The following DLC1 variants were observed in gnomAD, a reference collection of about 807,000 sequenced individuals.
DLC1 encodes the protein DLC1 Rho GTPase activating protein, also known as rho GTPase-activating protein 7.
Under a neutral mutation model 140.3 loss-of-function variants are expected in DLC1, and 54 were observed. The ratio of observed to expected loss-of-function variants is 0.38; its 90% CI spans 0.31 to 0.48. The LOEUF (loss-of-function observed/expected upper bound fraction) is 0.48. Ranked by LOEUF, DLC1 falls within the 20% of genes least tolerant of loss-of-function variation. DLC1 has a pLI of 0.96. For synonymous variants in DLC1, 986 were observed against 728.1 expected (o/e 1.35, Z -5.70); for missense variants, 2,536 against 1,907.0 (o/e 1.33, Z -6.14).
At chr8:13,505,667 G>T (rs771069136) in intron 1 of DLC1, among the ~76,000 whole-genome samples, 13 of 152,056 alleles carry the variant, frequency 8.5e-5, no homozygotes, top group Non-Finnish European at 1.8e-4. Context: ...TCTCATGTAC[G>T]TAGCAAAGAA....
At chr8:13,466,599 G>C (rs1317910618) in intron 2 of DLC1, among the ~76,000 whole-genome samples, 1 of 152,172 alleles carries the variant, frequency 6.6e-6, no homozygotes, top group Non-Finnish European at 1.5e-5. Flanking sequence ...TCCCATGGAG[G>C]CACCTTGTAA....
chr8:13,250,892 T>C (rs958167317), intron 5 of DLC1, among the ~76,000 whole-genome samples: 10 of 151,562 alleles, frequency 6.6e-5, no homozygotes, highest in Non-Finnish European at 1.3e-4. Flanking sequence ...AAGGATAGAA[T>C]AATGGATAAG....
At chr8:13,413,279 G>GTTTTTTTTTTTTTTTTTT (rs1837880881) in intron 2 of DLC1, among the ~76,000 whole-genome samples, 1 of 12,170 alleles carries the variant, frequency 8.2e-5, no homozygotes. Flanking sequence ...TTTTTTTTTA[G>GTTTTTTTTTTTTTTTTTT]CTCATCAACT....
rs1392492588 is a variant in DLC1 at position 13,092,758 on chromosome 8, C to T, written c.3594G>A (p.Arg1198=). The T allele has an allele frequency of 6.2e-7, 1 of 1,614,038 alleles. No individual in the cohort carries two copies. Among genetic ancestry groups the T allele is most frequent in the Non-Finnish European group, 8.5e-7 (1 of 1,180,038 alleles). The change falls in exon 13 of 18, where the codon CGG becomes CGA. Residue 1198 remains arginine (R), a synonymous_variant. Coordinates refer to ENST00000276297, the MANE Select transcript of DLC1 (RefSeq NM_182643.3). ...AATAAAGCAGGGTCTGCAGAACCTCCCGGTTCTCGTCAGGCAGCAGCATGA... is the reference window on the plus strand; with the variant it reads ...AATAAAGCAGGGTCTGCAGAACCTCTCGGTTCTCGTCAGGCAGCAGCATGA... ...AAIMLLPDEN[R]EVLQTLLYFL... is the part of the protein sequence containing the mutation.
intron 5 of DLC1, among the ~76,000 whole-genome samples, chr8:13,143,809 A>G (rs1260630019): frequency 1.5e-5 from 2 of 133,398 alleles, no homozygotes; most frequent in African/African-American, 5.7e-5. Flanking sequence ...ACCAAATGAA[A>G]AGCTGAGAGA....
At chr8:13,096,531 CG>C (rs1563582670) in intron 10 of DLC1, among the ~76,000 whole-genome samples, 1 of 151,952 alleles carries the variant, frequency 6.6e-6, no homozygotes, top group East Asian at 1.9e-4. Flanking sequence ...CTCGCTTTGT[CG>C]GGGGAGAAAA....
chr8:13,120,282 G>C (rs564342039), intron 5 of DLC1, among the ~76,000 whole-genome samples: 1 of 145,052 alleles, frequency 6.9e-6, no homozygotes, highest in African/African-American at 2.5e-5. Context: ...GGCGGAGGTG[G>C]CAGTGAGCTG....
rs191694374 is a variant in DLC1, at chr8:13,496,926, G to A, written c.1023+2123C>T. Among the ~76,000 whole-genome samples the A allele has an allele frequency of 4.2e-3, 626 of 150,670 alleles. 8 individuals are homozygous for A. The highest frequency in any genetic ancestry group is 0.015 in the African/African-American group (601 of 40,900). On this transcript the variant is annotated intron_variant, in intron 2 of 17. Transcript: ENST00000276297. ...TGCCATTCTCCTGCCTCAGCCTCCC[G>A]AGTAGCTGGGACTATAGGCGCCTGC...
intron 4 of DLC1, among the ~76,000 whole-genome samples, chr8:13,371,714 A>T (rs1835739192): frequency 6.6e-6 from 1 of 152,180 alleles, no homozygotes; most frequent in African/African-American, 2.4e-5. Context: ...TCCCTCAGAA[A>T]GAATGGTGCT....
In DLC1 at chr8:13,217,694, C is replaced by T. The variant is rs185510216; in HGVS notation, c.1348+87575G>A. ...CTAAAAATACAAAAAAAAAATTAGC[C>T]GGGCGTGGTGGTGGGCACCTGTAGT... On this transcript the variant is annotated intron_variant, in intron 5 of 17. Transcript: ENST00000276297. Among the ~76,000 whole-genome samples the T allele has an allele frequency of 1.1e-3, 161 of 151,960 alleles. 1 individual carries two copies. Among genetic ancestry groups the T allele is most frequent in the African/African-American group, 3.2e-3 (132 of 41,454 alleles).
chr8:13,317,962 C>G (rs56178214), intron 4 of DLC1, among the ~76,000 whole-genome samples: 2,899 of 152,200 alleles, frequency 0.019, 113 homozygotes, highest in African/African-American at 0.065. Context: ...TGTACTTGTT[C>G]TATGCCAGGC....
intron 5 of DLC1, among the ~76,000 whole-genome samples, chr8:13,130,886 AACTC>A (rs1822018173): frequency 6.6e-6 from 1 of 152,230 alleles, no homozygotes. Context: ...CCAGGAGAGA[AACTC>A]AGTCTGCTGT....
intron 5 of DLC1, among the ~76,000 whole-genome samples, chr8:13,132,239 G>GTA (rs1278089445): frequency 6.8e-6 from 1 of 146,372 alleles, no homozygotes; most frequent in East Asian, 2.0e-4. Context: ...GTGTGTGTGT[G>GTA]TGTTTCCTAG....
At chr8:13,245,017 C>A (rs1449384950) in intron 5 of DLC1, among the ~76,000 whole-genome samples, 1 of 152,138 alleles carries the variant, frequency 6.6e-6, no homozygotes, top group Non-Finnish European at 1.5e-5. Context: ...TTTTCCACCC[C>A]TTATGTTAAG....
At chr8:13,543,081 A>G (rs1803540641) in intron 1 of DLC1, among the ~76,000 whole-genome samples, 1 of 152,180 alleles carries the variant, frequency 6.6e-6, no homozygotes, top group East Asian at 1.9e-4. Context: ...TTTATAAATT[A>G]ACTATGAAAA....
chr8:13,356,619 C>T (rs1834954354), intron 4 of DLC1, among the ~76,000 whole-genome samples: 1 of 152,252 alleles, frequency 6.6e-6, no homozygotes, highest in Non-Finnish European at 1.5e-5. Context: ...TCATAATAAT[C>T]TGTGCTAATT....
intron 5 of DLC1, among the ~76,000 whole-genome samples, chr8:13,170,685 G>C (rs996168569): frequency 1.4e-5 from 2 of 146,478 alleles, no homozygotes; most frequent in Non-Finnish European, 3.0e-5. Context: ...AGCCGAGATC[G>C]CGCCACTGCA....
At chr8:13,565,839 C>T (rs374987395) in intron 1 of DLC1, among the ~76,000 whole-genome samples, 17 of 152,128 alleles carry the variant, frequency 1.1e-4, no homozygotes, top group African/African-American at 2.9e-4. Flanking sequence ...TAATTTCTCA[C>T]GATAATTAAT....
At chr8:13,247,140 C>G (rs950038851) in intron 5 of DLC1, among the ~76,000 whole-genome samples, 10 of 152,136 alleles carry the variant, frequency 6.6e-5, no homozygotes, top group Non-Finnish European at 1.0e-4. Context: ...ATATTAGAGA[C>G]AAAAGGCAAA....
Sources: gnomAD v4.1 joint callset for allele counts (sites outside exome capture counted in the v4.1 genomes callset) on GRCh38, gnomAD v4.1.1 for gene constraint, MANE v1.5 for transcripts, NCBI Gene and HGNC (gene_info 2026-07-23, HGNC 2026-07-21) for gene names.